The following TRPV4 variants were observed in gnomAD, a reference collection of about 807,000 sequenced individuals.
TRPV4 encodes the protein OSM9-like transient receptor potential channel 4.
Under a neutral mutation model 84.1 loss-of-function variants are expected in TRPV4, and 58 were observed. The ratio of observed to expected loss-of-function variants is 0.69; its 90% CI spans 0.56 to 0.86. TRPV4 has a LOEUF of 0.86. TRPV4 is among the 40% of genes least tolerant of loss of function. TRPV4 has a pLI of 0.00. For synonymous variants in TRPV4, 489 were observed against 500.9 expected, an observed-to-expected ratio of 0.98 and a Z score of 0.32; for missense variants, 879 against 1,181.1, an observed-to-expected ratio of 0.74 and a Z score of 3.75.
Position 109,809,652 on chromosome 12 carries a change from C to CCCATCCAT in TRPV4, c.387-1192_387-1185dup, listed in dbSNP as rs201492027. ...ATCCATCTGCCTATCCACCCACCCA[C>CCCATCCAT]CCATCCATCCATCCATCCATCCATC... On this transcript the variant is annotated intron_variant, in intron 2 of 15. Coordinates refer to ENST00000261740, the MANE Select transcript of TRPV4 (RefSeq NM_021625.5). Among the ~76,000 whole-genome samples, 488 of 148,400 alleles carry CCCATCCAT rather than the reference C, an allele frequency of 3.3e-3. 6 individuals carry two copies. The East Asian group carries it at 0.052, about 16-fold the overall frequency.
chr12:109,813,935 T>G (rs1891690850), intron 2 of TRPV4, among the ~76,000 whole-genome samples: 1 of 151,018 alleles, frequency 6.6e-6, no homozygotes, highest in African/African-American at 2.4e-5. Flanking sequence ...GATGAATAGA[T>G]GGACAGATGG....
At chr12:109,821,568 C>T (rs1892099460) in intron 1 of TRPV4, among the ~76,000 whole-genome samples, 1 of 152,028 alleles carries the variant, frequency 6.6e-6, no homozygotes, top group Non-Finnish European at 1.5e-5. Context: ...CTCGCTCTGT[C>T]CCCCAGGTTG....
rs1183871515 is a variant in TRPV4 at position 109,793,347 on chromosome 12, A to G, written c.1658+180T>C. ...TATATGATAACTCCCTAGCAATCAG[A>G]ATTTTTCTTGAACCAGAAGACCCTA... On this transcript the variant is annotated intron_variant, in intron 10 of 15. Transcript: ENST00000261740. The surrounding 1 kb of genome is among the most constrained non-coding windows in gnomAD (Gnocchi z 4.0). The G allele has an allele frequency of 3.1e-6, 2 of 653,492 alleles. No individual in the cohort carries two copies. The highest frequency in any genetic ancestry group is 5.6e-6 in the Non-Finnish European group (2 of 358,098). 40.5% of individuals were successfully genotyped at this position (653,492 alleles called of 1,614,324 possible).
intron 2 of TRPV4, among the ~76,000 whole-genome samples, chr12:109,813,891 GTAGA>G (rs1325327997): frequency 4.4e-4 from 67 of 151,988 alleles, no homozygotes; most frequent in South Asian, 2.1e-4. Context: ...TGGATGGATA[GTAGA>G]TAGATGGACA....
chr12:109,813,795 C>T (rs1056409686), intron 2 of TRPV4, among the ~76,000 whole-genome samples: 1 of 147,102 alleles, frequency 6.8e-6, no homozygotes, highest in Non-Finnish European at 1.5e-5. Context: ...GATAGATGGA[C>T]ATATGGAATG....
At chr12:109,813,661 G>C (rs964771484) in intron 2 of TRPV4, among the ~76,000 whole-genome samples, 6 of 152,124 alleles carry the variant, frequency 3.9e-5, no homozygotes, top group Admixed American at 3.3e-4. Context: ...GTAGAGTAAT[G>C]GATGATGGAT....
chr12:109,827,011 T>C (rs1316196365), intron 1 of TRPV4, among the ~76,000 whole-genome samples: 14 of 144,946 alleles, frequency 9.7e-5, no homozygotes, highest in Non-Finnish European at 1.8e-4. Context: ...CTGCTCAAGA[T>C]GTATTTGCTG....
chr12:109,811,389 G>T (rs1250170567), intron 2 of TRPV4, among the ~76,000 whole-genome samples: 1 of 152,198 alleles, frequency 6.6e-6, no homozygotes, highest in African/African-American at 2.4e-5. Context: ...TGGGTGCGGT[G>T]GCTCACGCCT....
chr12:109,794,419 C>G lies in TRPV4; in HGVS notation c.1401G>C (p.Gly467=). 1 of 1,614,044 alleles carries G rather than the reference C, an allele frequency of 6.2e-7. No homozygotes were observed. The highest frequency in any genetic ancestry group is 8.5e-7 in the Non-Finnish European group (1 of 1,180,016). Residue 467 remains glycine, a synonymous_variant, in exon 8 of 16, where the codon GGG becomes GGC. Transcript: ENST00000261740. The part of the protein sequence containing the change: ...ELLRDKWRKF[G]AVSFYINVVS... ...CCACGTTGATGTAGAAGGAGACGGC[C>G]CCGAACTTGCGCCACTTGTCCCGCA...
intron 3 of TRPV4, among the ~76,000 whole-genome samples, chr12:109,807,896 T>G (rs1317426280): frequency 6.6e-6 from 1 of 152,154 alleles, no homozygotes; most frequent in Non-Finnish European, 1.5e-5. Flanking sequence ...TCCAGCTGCC[T>G]GCGCTGGGCT....
At chr12:109,802,842 C>CCATG in intron 4 of TRPV4, 149 bp downstream of exon 4, 2 of 676,334 alleles carry the variant, frequency 3.0e-6, no homozygotes, top group South Asian at 1.6e-5. Context: ...ATCCATGCAT[C>CCATG]CATCCATCCA....
intron 12 of TRPV4, 55 bp downstream of exon 12, chr12:109,792,308 C>A (rs879050266): frequency 1.6e-6 from 2 of 1,272,470 alleles, no homozygotes; most frequent in Non-Finnish European, 2.3e-6. Context: ...ATCATGGCTA[C>A]TGTTCCCGTC....
Position 109,814,751 on chromosome 12 carries a change from C to A in TRPV4, c.46G>T (p.Ala16Ser). The A allele has an allele frequency of 6.3e-7, 1 of 1,576,560 alleles. No individual in the cohort carries two copies. Among genetic ancestry groups the A allele is most frequent in the Non-Finnish European group, 8.6e-7 (1 of 1,163,236 alleles). The change falls in exon 2 of 16, where the codon GCT becomes TCT. Residue 16 changes from alanine to serine, a missense_variant. Ala to Ser is a moderately conservative substitution (Grantham distance 99). This residue lies in a region of TRPV4 where 107 missense variants were observed against 99.4 expected (regional missense o/e 1.08). Coordinates refer to ENST00000261740, the MANE Select transcript of TRPV4 (RefSeq NM_021625.5). This position sits in a 1 kb window ranked among gnomAD's most constrained non-coding sequence, Gnocchi z 5.4. ...CCACTCTCATCCCCGGGGAGCTCAG[C>A]CACCTCCCCGGGCCCCGCGCGGGGG... ...EGPRAGPGEV[A>S]ELPGDESGTP...
chr12:109,830,175 T>C (rs1334369507), intron 1 of TRPV4, among the ~76,000 whole-genome samples: 2 of 151,988 alleles, frequency 1.3e-5, no homozygotes, highest in South Asian at 2.1e-4. Flanking sequence ...GGCACCCCAA[T>C]GAGGGTCCAG....
In TRPV4 at chr12:109,783,187, C is replaced by G. The variant is rs1889445723; in HGVS notation, c.*434G>C. ...CCACGCCGAGGGCCCCAGCCCCTTG[C>G]AAAGCTGCCACGCTGCCAAAAATGG... On this transcript the variant is annotated 3_prime_UTR_variant, in exon 16 of 16. Coordinates refer to ENST00000261740, the MANE Select transcript of TRPV4 (RefSeq NM_021625.5). The surrounding 1 kb of genome is among the most constrained non-coding windows in gnomAD (Gnocchi z 4.6). The G allele has an allele frequency of 5.6e-6, 1 of 178,394 alleles. No individual in the cohort carries two copies. 11.1% of individuals were successfully genotyped at this position (178,394 alleles called of 1,614,324 possible).
At chr12:109,821,228 T>C (rs2136698122) in intron 1 of TRPV4, among the ~76,000 whole-genome samples, 1 of 152,352 alleles carries the variant, frequency 6.6e-6, no homozygotes, top group African/African-American at 2.4e-5. Flanking sequence ...AATCAATTCA[T>C]TCCACCAGGC....
intron 3 of TRPV4, among the ~76,000 whole-genome samples, chr12:109,804,291 T>C (rs772818232): frequency 7.9e-5 from 12 of 152,124 alleles, no homozygotes; most frequent in Non-Finnish European, 1.8e-4. Flanking sequence ...CCCCTGTGAA[T>C]CAAGGACAGG....
rs1440793992 is a variant in TRPV4, at chr12:109,814,004, TA to T, written c.386+406del. ...GGATGATGGATGATGGATGGTTGGA[TA>T]GATGGATAGATGATAGATGGCTGGA... On this transcript the variant is annotated intron_variant, in intron 2 of 15. Transcript: ENST00000261740. The surrounding 1 kb of genome is among the most constrained non-coding windows in gnomAD (Gnocchi z 5.4). Among the ~76,000 whole-genome samples, 2 of 151,654 alleles carry T rather than the reference TA, an allele frequency of 1.3e-5. No homozygotes were observed. Among genetic ancestry groups the T allele is most frequent in the African/African-American group, 2.4e-5 (1 of 41,234 alleles).
rs1407651258 is a variant in TRPV4 at position 109,796,511 on chromosome 12, C to T, written c.1332+14G>A. The T allele has an allele frequency of 1.9e-6, 3 of 1,613,886 alleles. No homozygotes were observed. Among genetic ancestry groups the T allele is most frequent in the African/African-American group, 1.3e-5 (1 of 74,920 alleles). On this transcript the variant is annotated intron_variant, in intron 7 of 15. Transcript: ENST00000261740. The surrounding 1 kb of genome is among the most constrained non-coding windows in gnomAD (Gnocchi z 4.2). ...CCTCCTTCCTCACACCCCATGCCCC[C>T]TCCTGGAGCCCACCTCAATCTTGCT...
Sources: gnomAD v4.1 joint callset for allele counts (sites outside exome capture counted in the v4.1 genomes callset) on GRCh38, gnomAD v4.1.1 for gene constraint, gnomAD v4.1.1 regional missense constraint, Gnocchi (gnomAD v3.1) non-coding constraint, MANE v1.5 for transcripts, NCBI Gene and HGNC (gene_info 2026-07-23, HGNC 2026-07-21) for gene names.